Variants in NFIC observed in about 807,000 individuals in gnomAD.
NFIC encodes the protein nuclear factor I C, also known as nuclear factor 1 C-type.
In NFIC, 12 loss-of-function variants were observed where a neutral mutation model predicts 54.4. The observed-to-expected ratio is 0.22, with a 90% CI of 0.14 to 0.36. The LOEUF (loss-of-function observed/expected upper bound fraction) is 0.36, where lower values mean the gene tolerates loss of function less well. NFIC is among the 10% of genes least tolerant of loss of function. NFIC has a pLI of 1.00. For synonymous variants in NFIC, 322 were observed against 319.2 expected (o/e 1.01, Z -0.09); for missense variants, 575 against 718.2 (o/e 0.80, Z 2.28).
intron 6 of NFIC, among the ~76,000 whole-genome samples, chr19:3,440,749 G>A (rs557131395): frequency 1.3e-4 from 20 of 152,192 alleles, no homozygotes; most frequent in Admixed American, 1.2e-3. Flanking sequence ...TCGAACTCCT[G>A]ACCTCAGGTG....
intron 10 of NFIC, 130 bp downstream of exon 10, chr19:3,456,765 AC>A: frequency 1.1e-6 from 1 of 901,198 alleles, no homozygotes; most frequent in Non-Finnish European, 1.7e-6. Flanking sequence ...AGCCTCCCAC[AC>A]CCCACCTGGG....
chr19:3,459,771 G>A lies in NFIC; in HGVS notation c.1510-2981G>A, dbSNP rs2082613724. 3.9e-5 allele frequency among the ~76,000 whole-genome samples: 6 copies of A among 152,352 alleles called. No homozygotes were observed. In the South Asian group the frequency reaches 1.2e-3, roughly 32 times the overall value. On this transcript the variant is annotated intron_variant, in intron 10 of 10. Transcript: ENST00000443272. The surrounding 1 kb of genome is among the most constrained non-coding windows in gnomAD (Gnocchi z 4.2). ...CAACAGAAACCAGACATGAGGTAAT[G>A]GCCAAGATGAACTTGAACTTGGCTG... is the stretch of plus-strand genomic sequence containing the variant.
rs541725215 is a variant in NFIC at position 3,397,493 on chromosome 19, G to A, written c.562+15250G>A. Among the ~76,000 whole-genome samples, 7 of 152,342 alleles carry A rather than the reference G, an allele frequency of 4.6e-5. No homozygotes were observed. In the South Asian group the frequency reaches 1.4e-3, roughly 32 times the overall value. On this transcript the variant is annotated intron_variant, in intron 2 of 10. Transcript: ENST00000443272. Reference sequence around the variant, plus strand: ...AAACCCCTGGACCTGGGGAATCAGGGAGGTGTGAGCTGCATCTGAGGTCGG... The same window carrying A: ...AAACCCCTGGACCTGGGGAATCAGGAAGGTGTGAGCTGCATCTGAGGTCGG...
Position 3,458,529 on chromosome 19 carries a change from T to C in NFIC, c.1509+1894T>C, listed in dbSNP as rs1049483320. Among the ~76,000 whole-genome samples, 1 of 152,058 alleles carries C rather than the reference T, an allele frequency of 6.6e-6. No individual in the cohort carries two copies. Among genetic ancestry groups the C allele is most frequent in the African/African-American group, 2.4e-5 (1 of 41,378 alleles). ...CCCAAGCCTGGGAGGGAAGGGAAAC[T>C]GAGGCAGGCAAGGGTGGCACCTTTC... On this transcript the variant is annotated intron_variant, in intron 10 of 10. Transcript: ENST00000443272. This position sits in a 1 kb window ranked among gnomAD's most constrained non-coding sequence, Gnocchi z 4.1.
At chr19:3,406,883 G>A (rs960769033) in intron 2 of NFIC, among the ~76,000 whole-genome samples, 8 of 152,170 alleles carry the variant, frequency 5.3e-5, no homozygotes, top group East Asian at 1.9e-4. Flanking sequence ...GGCATTTGCA[G>A]GGACGGTGTT....
chr19:3,380,220 G>T (rs550264790), intron 1 of NFIC, among the ~76,000 whole-genome samples: 2 of 146,380 alleles, frequency 1.4e-5, no homozygotes, highest in African/African-American at 5.1e-5. Flanking sequence ...TAGCCAGGAT[G>T]GTCTCAATCT....
intron 2 of NFIC, among the ~76,000 whole-genome samples, chr19:3,399,157 C>T (rs962460380): frequency 2.6e-5 from 4 of 152,140 alleles, no homozygotes; most frequent in African/African-American, 7.2e-5. Context: ...GGGTCCTGGC[C>T]CTGCTGCCTG....
At chr19:3,384,238 A>T (rs1052116650) in intron 2 of NFIC, among the ~76,000 whole-genome samples, 72 of 150,976 alleles carry the variant, frequency 4.8e-4, no homozygotes, top group African/African-American at 1.5e-3. Context: ...ATATATATAT[A>T]TATTTTTTTG....
chr19:3,393,217 G>A (rs1430106575), intron 2 of NFIC, among the ~76,000 whole-genome samples: 1 of 152,134 alleles, frequency 6.6e-6, no homozygotes, highest in Non-Finnish European at 1.5e-5. Context: ...GAGCCACCGC[G>A]CCCAGACTAA....
intron 2 of NFIC, among the ~76,000 whole-genome samples, chr19:3,396,708 C>T (rs1051900050): frequency 1.3e-5 from 2 of 152,234 alleles, no homozygotes; most frequent in African/African-American, 4.8e-5. Context: ...GTAATCCCAG[C>T]ACTTGCAGAG....
At chr19:3,371,938 TC>T (rs1248228699) in intron 1 of NFIC, among the ~76,000 whole-genome samples, 8 of 103,556 alleles carry the variant, frequency 7.7e-5, no homozygotes, top group Admixed American at 2.0e-4. Context: ...CTTCCTTCCT[TC>T]CCTCCCTCCC....
At chr19:3,372,754 T>C (rs1468470227) in intron 1 of NFIC, among the ~76,000 whole-genome samples, 2 of 150,792 alleles carry the variant, frequency 1.3e-5, no homozygotes, top group African/African-American at 4.9e-5. Flanking sequence ...CCAGCTCAGT[T>C]CCTCCCTGAC....
intron 2 of NFIC, among the ~76,000 whole-genome samples, chr19:3,394,089 G>A (rs34189175): frequency 0.26 from 38,964 of 151,152 alleles, 5,734 homozygotes; most frequent in East Asian, 0.4. Context: ...TCAGCTTCCC[G>A]AGTAGTAACA....
intron 2 of NFIC, among the ~76,000 whole-genome samples, chr19:3,417,008 G>A (rs909260640): frequency 1.2e-4 from 18 of 151,540 alleles, no homozygotes; most frequent in Non-Finnish European, 2.1e-4. Context: ...CTCAGCCTCC[G>A]GAGCAGCTGG....
chr19:3,377,380 A>G (rs1259213792), intron 1 of NFIC, among the ~76,000 whole-genome samples: 1 of 149,348 alleles, frequency 6.7e-6, no homozygotes, highest in Admixed American at 6.7e-5. Flanking sequence ...ATAAGTTGTA[A>G]TGATAACAAT....
Position 3,468,561 on chromosome 19 carries a change from C to T in NFIC, c.*5792C>T, listed in dbSNP as rs2082746984. The T allele has an allele frequency of 6.6e-6, 1 of 151,926 alleles. No homozygotes were observed. Among genetic ancestry groups the T allele is most frequent in the Non-Finnish European group, 1.5e-5 (1 of 67,964 alleles). The allele number at this position is 151,926 out of a possible 1,614,324, so 9.4% of individuals were successfully genotyped here. ...AGGGCTCCAGGGGGACAGGATGGGG[C>T]AGGGCATACAGTGGGGGGTGGGGGG... On this transcript the variant is annotated 3_prime_UTR_variant, in exon 11 of 11. Transcript: ENST00000443272.
At position 3,458,218 on chromosome 19, in the gene NFIC, C is replaced by T. The variant is rs1291887225; in HGVS notation, c.1509+1583C>T. ...CAGCGAGCAGACGTCCAGGACTCCT[C>T]GCTTTGGGATTTGGGCCCCCTATGG... On this transcript the variant is annotated intron_variant, in intron 10 of 10. Coordinates refer to ENST00000443272, the MANE Select transcript of NFIC (RefSeq NM_001245002.2). This position sits in a 1 kb window ranked among gnomAD's most constrained non-coding sequence, Gnocchi z 4.1. Among the ~76,000 whole-genome samples the T allele has an allele frequency of 2.0e-5, 3 of 152,206 alleles. No individual in the cohort carries two copies. Among genetic ancestry groups the T allele is most frequent in the African/African-American group, 7.2e-5 (3 of 41,454 alleles).
intron 6 of NFIC, among the ~76,000 whole-genome samples, chr19:3,440,159 A>T (rs1321983760): frequency 6.6e-6 from 1 of 152,010 alleles, no homozygotes; most frequent in Non-Finnish European, 1.5e-5. Flanking sequence ...CAGCAGGGAG[A>T]ATCGTGGTTT....
At chr19:3,361,428 A>G (rs1006269924) in intron 1 of NFIC, among the ~76,000 whole-genome samples, 93 of 152,212 alleles carry the variant, frequency 6.1e-4, no homozygotes, top group African/African-American at 2.0e-3. Flanking sequence ...CTTGCCCCCA[A>G]TGGACCAGAG....
Sources: allele counts gnomAD v4.1 joint callset (sites outside exome capture counted in the v4.1 genomes callset), GRCh38; gene constraint gnomAD v4.1.1; non-coding constraint Gnocchi (gnomAD v3.1); transcripts MANE v1.5; gene names NCBI Gene and HGNC (gene_info 2026-07-23, HGNC 2026-07-21).